The following CRYZL1 variants were observed in gnomAD, a reference collection of about 807,000 sequenced individuals.
CRYZL1 encodes ferry endosomal RAB5 effector complex subunit 4.
In CRYZL1, 34 loss-of-function variants were observed where a neutral mutation model predicts 50.6. The observed-to-expected ratio is 0.67, with a 90% CI of 0.51 to 0.89. The LOEUF (loss-of-function observed/expected upper bound fraction) is 0.89. CRYZL1 is among the 40% of genes least tolerant of loss of function. The probability of loss-of-function intolerance (pLI) is 0.00; values close to 1 mark genes in which losing one functional copy is unlikely to be tolerated. For missense variants in CRYZL1, 354 were observed against 402.3 expected (o/e 0.88, Z 1.03); for synonymous variants, 125 against 134.3 (o/e 0.93, Z 0.48).
chr21:33,623,088 C>T (rs1479962544), intron 3 of CRYZL1, among the ~76,000 whole-genome samples: 3 of 151,804 alleles, frequency 2.0e-5, no homozygotes, highest in African/African-American at 4.8e-5. Context: ...GCCTCAGCCT[C>T]CTGAGTAGAT....
At chr21:33,610,347 G>T (rs2086858801) in intron 6 of CRYZL1, among the ~76,000 whole-genome samples, 1 of 151,778 alleles carries the variant, frequency 6.6e-6, no homozygotes, top group African/African-American at 2.4e-5. Flanking sequence ...TTTTAGTAGA[G>T]ACGGGGTTTT....
rs1049777195 is a variant in CRYZL1, at chr21:33,599,167, A to G, written c.659T>C (p.Ile220Thr). Residue 220 changes from isoleucine to threonine, a missense_variant, in exon 9 of 13, where the codon ATT becomes ACT. Physicochemically the swap from Ile to Thr is moderately conservative, Grantham distance 89. Transcript: ENST00000381554. Reference sequence around the variant, plus strand: ...GTACCTACCTCCAGCATCTAGGACAATATCTACTCCCAGGCCACCTGTTTC... The same window carrying G: ...GTACCTACCTCCAGCATCTAGGACAGTATCTACTCCCAGGCCACCTGTTTC... ...LEETGGLGVD[I>T]VLDAGVRLYS... 8.7e-6 allele frequency: 14 copies of G among 1,613,978 alleles called. No individual in the cohort carries two copies. The highest frequency in any genetic ancestry group is 2.7e-5 in the African/African-American group (2 of 74,918).
intron 1 of CRYZL1, among the ~76,000 whole-genome samples, chr21:33,638,124 A>G (rs1243615647): frequency 6.6e-6 from 1 of 152,066 alleles, no homozygotes; most frequent in Non-Finnish European, 1.5e-5. Flanking sequence ...GAATATAGTC[A>G]CCATAATCAA....
intron 4 of CRYZL1, among the ~76,000 whole-genome samples, chr21:33,620,900 A>ATTTTTTTT: frequency 8.9e-6 from 1 of 112,834 alleles, no homozygotes; most frequent in Non-Finnish European, 1.7e-5. Flanking sequence ...GGGGTGTCCA[A>ATTTTTTTT]TCTTTTTTTT....
At chr21:33,608,987 C>A (rs2086842194) in intron 6 of CRYZL1, among the ~76,000 whole-genome samples, 1 of 152,216 alleles carries the variant, frequency 6.6e-6, no homozygotes, top group Admixed American at 6.5e-5. Context: ...CAAAGTTTCC[C>A]TTTTCTCCAC....
In CRYZL1 at chr21:33,603,542, C is replaced by G. The variant is rs372356394; in HGVS notation, c.332-5G>C. The G allele has an allele frequency of 2.5e-6, 4 of 1,613,860 alleles. No homozygotes were observed. The African/African-American group carries it at 5.3e-5, about 22-fold the overall frequency. On this transcript the variant is annotated splice_region_variant and splice_polypyrimidine_tract_variant and intron_variant, in intron 6 of 12. Coordinates refer to ENST00000381554, the MANE Select transcript of CRYZL1 (RefSeq NM_145858.3). ...TGACCTTTTCTGGTTTATGAACTATCATAAAGAACAAGAAGAAACAATCTG... is the reference window on the plus strand; with the variant it reads ...TGACCTTTTCTGGTTTATGAACTATGATAAAGAACAAGAAGAAACAATCTG...
intron 11 of CRYZL1, among the ~76,000 whole-genome samples, chr21:33,593,465 G>T (rs1266193401): frequency 6.6e-6 from 1 of 152,134 alleles, no homozygotes; most frequent in East Asian, 1.9e-4. Context: ...ATCCCTGCAA[G>T]TTCCCTTCCT....
chr21:33,594,923 T>G (rs1228620305), intron 11 of CRYZL1: 1 of 157,428 alleles, frequency 6.4e-6, no homozygotes, highest in Non-Finnish European at 1.4e-5. Flanking sequence ...ACGTATGATA[T>G]TCAGTAGAGA....
chr21:33,621,109 G>A (rs2086994642), intron 4 of CRYZL1, among the ~76,000 whole-genome samples: 1 of 149,178 alleles, frequency 6.7e-6, no homozygotes, highest in Admixed American at 6.7e-5. Flanking sequence ...GTTTCACCGT[G>A]TTAGCCAGGA....
intron 8 of CRYZL1, among the ~76,000 whole-genome samples, chr21:33,600,283 A>G (rs771941665): frequency 2.3e-4 from 35 of 152,230 alleles, no homozygotes; most frequent in Non-Finnish European, 4.4e-4. Flanking sequence ...TAGGCAAGTC[A>G]GTAAAAATTA....
chr21:33,620,720 A>G (rs184017773), intron 4 of CRYZL1, among the ~76,000 whole-genome samples: 1 of 151,782 alleles, frequency 6.6e-6, no homozygotes, highest in East Asian at 1.9e-4. Flanking sequence ...GCTGAGGCAG[A>G]GTTGCTTGAA....
intron 6 of CRYZL1, among the ~76,000 whole-genome samples, chr21:33,613,189 GTTTT>G (rs1255660042): frequency 4.0e-5 from 6 of 151,858 alleles, no homozygotes; most frequent in Admixed American, 3.9e-4. Context: ...AATTTTATAT[GTTTT>G]TTGTTTCAGT....
At chr21:33,634,904 T>TATATATATAA (rs1491266388) in intron 1 of CRYZL1, among the ~76,000 whole-genome samples, 11 of 135,374 alleles carry the variant, frequency 8.1e-5, no homozygotes, top group Non-Finnish European at 1.4e-4. Flanking sequence ...TATATATATA[T>TATATATATAA]AAAATAATGG....
intron 2 of CRYZL1, among the ~76,000 whole-genome samples, chr21:33,626,346 T>C (rs2087062883): frequency 6.6e-6 from 1 of 152,120 alleles, no homozygotes; most frequent in African/African-American, 2.4e-5. Context: ...GATTCTGGGC[T>C]CAACATACCA....
At chr21:33,599,281 G>A in intron 8 of CRYZL1, 33 bp from the exon 9 acceptor site, 1 of 1,613,428 alleles carries the variant, frequency 6.2e-7, no homozygotes, top group Non-Finnish European at 8.5e-7. Context: ...CAATTGTACT[G>A]TTCTCTATGT....
intron 5 of CRYZL1, 61 bp downstream of exon 5, chr21:33,616,645 G>A: frequency 6.2e-7 from 1 of 1,600,392 alleles, no homozygotes; most frequent in Non-Finnish European, 8.5e-7. Flanking sequence ...TAGTTATATA[G>A]AAAAAACAGA....
At chr21:33,627,416 A>T (rs1025225944) in intron 2 of CRYZL1, among the ~76,000 whole-genome samples, 1 of 152,176 alleles carries the variant, frequency 6.6e-6, no homozygotes, top group African/African-American at 2.4e-5. Flanking sequence ...TTTAGGAGTT[A>T]GTGACAGACA....
rs139699692 is a variant in CRYZL1 at position 33,621,997 on chromosome 21, A to T, written c.216T>A (p.Asp72Glu). ...ATATACTCACATCTGTATACTTACC[A>T]TCTAATACAATTCCAGCAATTTCTC... ...VGREIAGIVL[D>E]VGSKVSFFQP... Residue 72 changes from aspartate to glutamate, a missense_variant and splice_region_variant, in exon 4 of 13, where the codon GAT becomes GAA. Asp to Glu is a conservative substitution (Grantham distance 45). Transcript: ENST00000381554. 344 of 1,597,010 alleles carry T rather than the reference A, an allele frequency of 2.2e-4. No individual in the cohort carries two copies. Among genetic ancestry groups the T allele is most frequent in the Non-Finnish European group, 2.9e-4 (335 of 1,164,778 alleles).
chr21:33,603,544 T>C lies in CRYZL1; in HGVS notation c.332-7A>G, dbSNP rs11702633. 27,719 of 1,613,804 alleles carry C rather than the reference T, an allele frequency of 0.017. 276 individuals carry two copies. Among genetic ancestry groups the C allele is most frequent in the Non-Finnish European group, 0.02 (23,614 of 1,179,980 alleles). ...ACCTTTTCTGGTTTATGAACTATCATAAAGAACAAGAAGAAACAATCTGTT... is the reference window on the plus strand; with the variant it reads ...ACCTTTTCTGGTTTATGAACTATCACAAAGAACAAGAAGAAACAATCTGTT... On this transcript the variant is annotated splice_region_variant and splice_polypyrimidine_tract_variant and intron_variant, in intron 6 of 12. Coordinates refer to ENST00000381554, the MANE Select transcript of CRYZL1 (RefSeq NM_145858.3).
Sources: allele counts gnomAD v4.1 joint callset (sites outside exome capture counted in the v4.1 genomes callset), GRCh38; gene constraint gnomAD v4.1.1; transcripts MANE v1.5; gene names NCBI Gene and HGNC (gene_info 2026-07-23, HGNC 2026-07-21).